DEUP1: variants seen among roughly 807,000 people sequenced by gnomAD.
The protein encoded by DEUP1 is deuterosome assembly protein 1, also known as coiled-coil domain containing 67.
Under a neutral mutation model 87.4 loss-of-function variants are expected in DEUP1, and 82 were observed. The observed-to-expected ratio is 0.94, with a 90% CI of 0.78 to 1.13. The LOEUF is 1.13. Among genes scored for constraint, DEUP1 ranks in the 50% most tolerant of loss-of-function variants. DEUP1 has a pLI of 0.00. For missense variants in DEUP1, 663 were observed against 681.5 expected, an observed-to-expected ratio of 0.97 and a Z score of 0.30; for synonymous variants, 214 against 222.7, an observed-to-expected ratio of 0.96 and a Z score of 0.35.
intron 9 of DEUP1, among the ~76,000 whole-genome samples, chr11:93,391,954 T>C (rs1946777837): frequency 6.6e-6 from 1 of 152,146 alleles, no homozygotes; most frequent in Admixed American, 6.5e-5. Flanking sequence ...CTGTGACTCT[T>C]TTTTAAAAAA....
intron 2 of DEUP1, among the ~76,000 whole-genome samples, chr11:93,349,090 A>G (rs1944503148): frequency 6.6e-6 from 1 of 152,074 alleles, no homozygotes; most frequent in Non-Finnish European, 1.5e-5. Flanking sequence ...AAGCCCGCAT[A>G]TATTCATCAG....
intron 13 of DEUP1, among the ~76,000 whole-genome samples, chr11:93,429,689 T>C (rs1948042974): frequency 6.6e-6 from 1 of 152,170 alleles, no homozygotes; most frequent in Non-Finnish European, 1.5e-5. Context: ...GTGTTTTCTA[T>C]TTTTGTTTTT....
chr11:93,407,146 T>C (rs1387973638), intron 11 of DEUP1, among the ~76,000 whole-genome samples: 6 of 151,998 alleles, frequency 3.9e-5, no homozygotes, highest in Middle Eastern at 3.4e-3. Flanking sequence ...CCTTGGACTC[T>C]AGCTAAAGAA....
intron 9 of DEUP1, 60 bp downstream of exon 9, chr11:93,389,185 G>A (rs1279408702): frequency 2.1e-6 from 2 of 941,476 alleles, no homozygotes; most frequent in Non-Finnish European, 3.2e-6. Flanking sequence ...CATACAAAGG[G>A]AGTTAAAAAA....
intron 7 of DEUP1, among the ~76,000 whole-genome samples, chr11:93,374,256 T>TA (rs1945918894): frequency 1.3e-5 from 2 of 152,228 alleles, no homozygotes; most frequent in African/African-American, 4.8e-5. Context: ...ATTATTTATT[T>TA]TGCTGTGTAG....
chr11:93,405,313 A>T (rs988961057), intron 11 of DEUP1, among the ~76,000 whole-genome samples: 1 of 151,778 alleles, frequency 6.6e-6, no homozygotes, highest in African/African-American at 2.4e-5. Context: ...TAGAATAAGC[A>T]CTCCTTTATC....
At chr11:93,340,250 AC>A (rs1943992404) in intron 2 of DEUP1, among the ~76,000 whole-genome samples, 1 of 152,318 alleles carries the variant, frequency 6.6e-6, no homozygotes, top group Non-Finnish European at 1.5e-5. Flanking sequence ...TTGAAGAAAG[AC>A]CTAAAAAAAG....
At chr11:93,372,180 G>A (rs1440858362) in intron 7 of DEUP1, among the ~76,000 whole-genome samples, 3 of 151,828 alleles carry the variant, frequency 2.0e-5, no homozygotes, top group African/African-American at 4.8e-5. Flanking sequence ...CGCCCGCCTC[G>A]GCCTCCCAAA....
intron 5 of DEUP1, among the ~76,000 whole-genome samples, chr11:93,367,548 A>G (rs549567680): frequency 1.6e-4 from 25 of 152,278 alleles, no homozygotes; most frequent in African/African-American, 6.0e-4. Flanking sequence ...TAACATACTG[A>G]CATATTGTAA....
intron 13 of DEUP1, among the ~76,000 whole-genome samples, chr11:93,433,696 T>C (rs1216286411): frequency 6.6e-6 from 1 of 152,176 alleles, no homozygotes; most frequent in East Asian, 1.9e-4. Flanking sequence ...TGAGATGAGA[T>C]TCTTGTGAAA....
intron 11 of DEUP1, among the ~76,000 whole-genome samples, chr11:93,398,335 ACT>A (rs1285569450): frequency 6.6e-6 from 1 of 152,032 alleles, no homozygotes; most frequent in Non-Finnish European, 1.5e-5. Flanking sequence ...AATTTATTCC[ACT>A]CTGTTTCCAG....
At chr11:93,414,774 A>G (rs1010085084) in intron 12 of DEUP1, among the ~76,000 whole-genome samples, 3 of 152,180 alleles carry the variant, frequency 2.0e-5, no homozygotes, top group African/African-American at 7.2e-5. Context: ...AAATATTTTT[A>G]ACAGTTGTTA....
chr11:93,390,869 G>T (rs1272600500), intron 9 of DEUP1, among the ~76,000 whole-genome samples: 2 of 152,034 alleles, frequency 1.3e-5, no homozygotes, highest in Non-Finnish European at 2.9e-5. Context: ...AGATCACCAG[G>T]TCAGGAGTTT....
At chr11:93,382,728 G>C (rs1163800588) in intron 7 of DEUP1, among the ~76,000 whole-genome samples, 1 of 152,170 alleles carries the variant, frequency 6.6e-6, no homozygotes, top group Non-Finnish European at 1.5e-5. Context: ...CCCACATAGT[G>C]CCTTCTTCAA....
In DEUP1 at chr11:93,355,426, G is replaced by T; in HGVS notation, c.85G>T (p.Val29Leu). ...QELMEQIDIM[V>L]SNKKMDWERK... ...ATTAATGGAACAAATTGACATCATG[G>T]TAAGCAACAAGAAAATGGATTGGGA... Residue 29 changes from valine (V) to leucine (L), a missense_variant, in exon 3 of 14, where the codon GTA becomes TTA. Physicochemically the swap from Val to Leu is conservative, Grantham distance 32. Coordinates refer to ENST00000298050, the MANE Select transcript of DEUP1 (RefSeq NM_181645.4). 1 of 1,613,740 alleles carries T rather than the reference G, an allele frequency of 6.2e-7. No individual in the cohort carries two copies. Among genetic ancestry groups the T allele is most frequent in the Non-Finnish European group, 8.5e-7 (1 of 1,179,772 alleles).
chr11:93,388,833 G>T (rs1455780343), intron 8 of DEUP1, among the ~76,000 whole-genome samples, 187 bp from the exon 9 acceptor site: 1 of 151,912 alleles, frequency 6.6e-6, no homozygotes, highest in Non-Finnish European at 1.5e-5. Flanking sequence ...GAAACCATTT[G>T]CACTTAAAGA....
intron 6 of DEUP1, 121 bp downstream of exon 6, chr11:93,370,307 CA>C: frequency 1.7e-6 from 1 of 600,594 alleles, no homozygotes. Flanking sequence ...AGAGTAGGTC[CA>C]AAGGTGGGTA....
chr11:93,331,417 G>C (rs1943476794), intron 1 of DEUP1, among the ~76,000 whole-genome samples: 1 of 150,002 alleles, frequency 6.7e-6, no homozygotes, highest in African/African-American at 2.5e-5. Context: ...ATTTTGTCAA[G>C]AGGTGAGCCA....
At chr11:93,407,107 T>G (rs1947302486) in intron 11 of DEUP1, among the ~76,000 whole-genome samples, 1 of 151,924 alleles carries the variant, frequency 6.6e-6, no homozygotes, top group Admixed American at 6.6e-5. Flanking sequence ...TTCAACAACA[T>G]TCACACAATT....
Sources: gnomAD v4.1 joint callset for allele counts (sites outside exome capture counted in the v4.1 genomes callset) on GRCh38, gnomAD v4.1.1 for gene constraint, MANE v1.5 for transcripts, NCBI Gene and HGNC (gene_info 2026-07-23, HGNC 2026-07-21) for gene names.